FZD5: variants seen among roughly 807,000 people sequenced by gnomAD.
The protein encoded by FZD5 is frizzled class receptor 5, also known as frizzled-5.
A neutral mutation model predicts 40.8 loss-of-function variants in FZD5; 12 were observed. The observed-to-expected ratio is 0.29, with a 90% CI of 0.19 to 0.48. The LOEUF is 0.48. FZD5 is among the 20% of genes least tolerant of loss of function. The pLI is 0.99. For synonymous variants in FZD5, 380 were observed against 383.7 expected (o/e 0.99, Z 0.11); for missense variants, 622 against 832.8 (o/e 0.75, Z 3.12).
Position 207,768,650 on chromosome 2 carries a change from G to A in FZD5, c.90C>T (p.Ala30=), listed in dbSNP as rs11899639. 2.6e-3 allele frequency: 4,129 copies of A among 1,612,622 alleles called. 92 individuals carry two copies. In the African/African-American group the frequency reaches 0.049, roughly 19 times the overall value. ...GCACCGTGATTTCCTGGCACACCGG[G>A]GCCTTGGACGCGGCGGCCGCCCGGC... ...LVGRAAAASK[A]PVCQEITVPM... The change falls in exon 2 of 2, where the codon GCC becomes GCT. Residue 30 remains alanine (A), a synonymous_variant. Coordinates refer to ENST00000295417, the MANE Select transcript of FZD5 (RefSeq NM_003468.4).
chr2:207,768,058 T>G lies in FZD5; in HGVS notation c.682A>C (p.Ser228Arg). The change falls in exon 2 of 2, where the codon AGT becomes CGT. Residue 228 changes from serine (S) to arginine (R), a missense_variant. Physicochemically the swap from Ser to Arg is moderately radical, Grantham distance 110. This residue lies in a region of FZD5 where 116 missense variants were observed against 117.7 expected (regional missense o/e 0.99). Coordinates refer to ENST00000295417, the MANE Select transcript of FZD5 (RefSeq NM_003468.4). ...GTGGCGAACGTGCGCTCGTCGGCACTGAAGGACGGCTGGTAGCAGGGTACC... is the reference window on the plus strand; with the variant it reads ...GTGGCGAACGTGCGCTCGTCGGCACGGAAGGACGGCTGGTAGCAGGGTACC... ...CAVPCYQPSF[S>R]ADERTFATFW... 1 of 1,613,070 alleles carries G rather than the reference T, an allele frequency of 6.2e-7. No homozygotes were observed. The highest frequency in any genetic ancestry group is 8.5e-7 in the Non-Finnish European group (1 of 1,179,568).
chr2:207,766,972 C>G lies in FZD5; in HGVS notation c.*10G>C. ...TCAGCTCTCCGGCCGAGTCCCTCGG[C>G]GGCAGCCTCCTACACGTGCGACAGG... On this transcript the variant is annotated 3_prime_UTR_variant, in exon 2 of 2. Transcript: ENST00000295417. 6.9e-7 allele frequency: 1 copy of G among 1,446,612 alleles called. No individual in the cohort carries two copies. The highest frequency in any genetic ancestry group is 9.1e-7 in the Non-Finnish European group (1 of 1,103,278). 89.6% of individuals were successfully genotyped at this position (1,446,612 alleles called of 1,614,324 possible).
rs921013074 is a variant in FZD5, at chr2:207,764,837, A to C, written c.*2145T>G. 6.6e-6 allele frequency: 1 copy of C among 152,198 alleles called. No individual in the cohort carries two copies. The highest frequency in any genetic ancestry group is 1.5e-5 in the Non-Finnish European group (1 of 68,036). 9.4% of individuals were successfully genotyped at this position (152,198 alleles called of 1,614,324 possible). A position where few individuals can be genotyped will look rare whatever the true frequency, so the allele number is the denominator to read the frequency against. On this transcript the variant is annotated 3_prime_UTR_variant, in exon 2 of 2. Transcript: ENST00000295417. ...GGGAAGACATATGAAATGAGGGAAA[A>C]GGTCAAGGTGATCAGAAAAGGTTCT...
At position 207,766,273 on chromosome 2, in the gene FZD5, T is replaced by A. The variant is rs6724297; in HGVS notation, c.*709A>T. ...CTTATTCAAGACACAACGATGGTGC[T>A]GTTAGGAGTGAGAATTATTACAAGC... On this transcript the variant is annotated 3_prime_UTR_variant, in exon 2 of 2. Transcript: ENST00000295417. 19,182 of 152,130 alleles carry A rather than the reference T, an allele frequency of 0.13. 2,134 individuals carry two copies. The highest frequency in any genetic ancestry group is 0.4 in the East Asian group (2,087 of 5,166). The allele number at this position is 152,130 out of a possible 1,614,324, so 9.4% of individuals were successfully genotyped here.
In FZD5 at chr2:207,768,335, G is replaced by T. The variant is rs776021212; in HGVS notation, c.405C>A (p.Arg135=). 3 of 1,556,250 alleles carry T rather than the reference G, an allele frequency of 1.9e-6. No individual in the cohort carries two copies. The highest frequency in any genetic ancestry group is 2.3e-5 in the South Asian group (2 of 85,476). Residue 135 remains arginine (R), a synonymous_variant, in exon 2 of 2, where the codon CGC becomes CGA. Transcript: ENST00000295417. ...CGGCGTCGCGGCCCAGCACCGGGAG[G>T]CGGTCGCAGCTCATGCGCTCGGGCC... ...FAWPERMSCD[R]LPVLGRDAEV...
rs1234202332 is a variant in FZD5 at position 207,767,806 on chromosome 2, G to A, written c.934C>T (p.Pro312Ser). The A allele has an allele frequency of 6.2e-7, 1 of 1,611,850 alleles. No homozygotes were observed. The highest frequency in any genetic ancestry group is 1.3e-5 in the African/African-American group (1 of 75,010). The change falls in exon 2 of 2, where the codon CCT (proline) becomes TCT (serine). Residue 312 changes from proline to serine, a missense_variant. Pro to Ser is a moderately conservative substitution (Grantham distance 74, BLOSUM62 -1). Around this residue, in one of 4 missense-constraint regions of FZD5, gnomAD observed 208 missense variants for 348.9 expected, o/e 0.60. Transcript: ENST00000295417. ...AGGAAGACGATGGTGCACAGTGCAG[G>A]GCCCGTGGTCTCGTAGTGGATGTGG... ...HNHIHYETTG[P>S]ALCTIVFLLV...
Position 207,763,227 on chromosome 2 carries a change from TATAC to T in FZD5, c.*3751_*3754del, listed in dbSNP as rs1376812244. The T allele has an allele frequency of 6.6e-6, 1 of 152,464 alleles. No individual in the cohort carries two copies. Among genetic ancestry groups the T allele is most frequent in the Non-Finnish European group, 1.5e-5 (1 of 68,004 alleles). The allele number at this position is 152,464 out of a possible 1,614,324, so 9.4% of individuals were successfully genotyped here. On this transcript the variant is annotated 3_prime_UTR_variant, in exon 2 of 2. Coordinates refer to ENST00000295417, the MANE Select transcript of FZD5 (RefSeq NM_003468.4). ...TATACAACCCACAAAACATACATAC[TATAC>T]ATAGTTTGTAACAACATGAAGTCAT... is the stretch of plus-strand genomic sequence containing the variant.
At position 207,767,075 on chromosome 2, in the gene FZD5, G is replaced by C. The variant is rs1197643286; in HGVS notation, c.1665C>G (p.Asp555Glu). The C allele has an allele frequency of 6.3e-7, 1 of 1,591,730 alleles. No homozygotes were observed. Among genetic ancestry groups the C allele is most frequent in the Non-Finnish European group, 8.5e-7 (1 of 1,171,000 alleles). The change falls in exon 2 of 2, where the codon GAC becomes GAG. Residue 555 changes from aspartate (D) to glutamate (E), a missense_variant. Physicochemically the swap from Asp to Glu is conservative, Grantham distance 45. Around this residue, in one of 4 missense-constraint regions of FZD5, gnomAD observed 154 missense variants for 152.1 expected, o/e 1.01. Transcript: ENST00000295417. ...HKSGGAMAAG[D>E]YPEASAALTG... ...TGAGCGCGGCGCTCGCCTCGGGGTA[G>C]TCCCCTGCGGCCATGGCGCCCCCGC...
At position 207,767,138 on chromosome 2, in the gene FZD5, G is replaced by C. The variant is rs1000650412; in HGVS notation, c.1602C>G (p.Thr534=). 2 of 1,567,750 alleles carry C rather than the reference G, an allele frequency of 1.3e-6. No homozygotes were observed. The highest frequency in any genetic ancestry group is 2.7e-5 in the African/African-American group (2 of 73,536). Residue 534 remains threonine, a synonymous_variant, in exon 2 of 2, where the codon ACC becomes ACG. Coordinates refer to ENST00000295417, the MANE Select transcript of FZD5 (RefSeq NM_003468.4). ...GCCGCGGGCGGCAGCAGCAGCGGCT[G>C]GTGAAACGCCGCCACGACTCCACCG... is the stretch of plus-strand genomic sequence containing the variant. ...GKTVESWRRF[T]SRCCCRPRRG... is the part of the protein sequence containing the mutation.
In FZD5 at chr2:207,766,981, C is replaced by A; in HGVS notation, c.*1G>T. The stretch of plus-strand genomic sequence containing the variant: ...CGGCCGAGTCCCTCGGCGGCAGCCT[C>A]CTACACGTGCGACAGGGACACCTGC... On this transcript the variant is annotated 3_prime_UTR_variant, in exon 2 of 2. Coordinates refer to ENST00000295417, the MANE Select transcript of FZD5 (RefSeq NM_003468.4). 6.8e-7 allele frequency: 1 copy of A among 1,469,784 alleles called. No homozygotes were observed. The highest frequency in any genetic ancestry group is 1.5e-5 in the South Asian group (1 of 67,404). The allele number at this position is 1,469,784 out of a possible 1,614,324, so 91.0% of individuals were successfully genotyped here. A position where few individuals can be genotyped will look rare whatever the true frequency, so the allele number is the denominator to read the frequency against.
chr2:207,768,941 C>T lies in FZD5; in HGVS notation c.-202G>A. Reference sequence around the variant, plus strand: ...CCTCCGCTGGCAGCGCTCCGCTCCTCGCCGGATAGGGCTGGGGAGAGACGG... The same window carrying T: ...CCTCCGCTGGCAGCGCTCCGCTCCTTGCCGGATAGGGCTGGGGAGAGACGG... On this transcript the variant is annotated 5_prime_UTR_variant, in exon 2 of 2. Transcript: ENST00000295417. The T allele has an allele frequency of 1.7e-6, 1 of 597,332 alleles. No homozygotes were observed. The highest frequency in any genetic ancestry group is 2.1e-5 in the South Asian group (1 of 48,224). 37.0% of individuals were successfully genotyped at this position (597,332 alleles called of 1,614,324 possible).
In FZD5 at chr2:207,767,094, C is replaced by G; in HGVS notation, c.1646G>C (p.Gly549Ala). The G allele has an allele frequency of 6.3e-7, 1 of 1,590,122 alleles. No individual in the cohort carries two copies. Among genetic ancestry groups the G allele is most frequent in the Non-Finnish European group, 8.6e-7 (1 of 1,169,214 alleles). ...GGGGTAGTCCCCTGCGGCCATGGCG[C>G]CCCCGCTCTTGTGGCCGCGCCGCGG... Reference protein sequence around the residue: ...CRPRRGHKSGGAMAAGDYPEA... With the variant: ...CRPRRGHKSGAAMAAGDYPEA... The change falls in exon 2 of 2, where the codon GGC becomes GCC. Residue 549 changes from glycine to alanine, a missense_variant. Gly to Ala is a moderately conservative substitution (Grantham distance 60, BLOSUM62 0). This residue lies in a region of FZD5 where 154 missense variants were observed against 152.1 expected (regional missense o/e 1.01). Transcript: ENST00000295417.
In FZD5 at chr2:207,769,696, C is replaced by G. The variant is rs896357555; in HGVS notation, c.-687G>C. On this transcript the variant is annotated 5_prime_UTR_variant, in exon 1 of 2. Transcript: ENST00000295417. Reference sequence around the variant, plus strand: ...CAGGCCGGGACTGCATGGTGAGCGCCGGCCGCCGCGTCCCGCCCGCCGCTC... The same window carrying G: ...CAGGCCGGGACTGCATGGTGAGCGCGGGCCGCCGCGTCCCGCCCGCCGCTC... 1 of 152,218 alleles carries G rather than the reference C, an allele frequency of 6.6e-6. No individual in the cohort carries two copies. Among genetic ancestry groups the G allele is most frequent in the Non-Finnish European group, 1.5e-5 (1 of 68,184 alleles). The allele number at this position is 152,218 out of a possible 1,614,324, so 9.4% of individuals were successfully genotyped here. A position where few individuals can be genotyped will look rare whatever the true frequency, so the allele number is the denominator to read the frequency against.
At position 207,767,931 on chromosome 2, in the gene FZD5, G is replaced by C; in HGVS notation, c.809C>G (p.Pro270Arg). The change falls in exon 2 of 2, where the codon CCC (proline) becomes CGC (arginine). Residue 270 changes from proline to arginine, a missense_variant. By Grantham distance (103) the Pro-to-Arg change is moderately radical. Transcript: ENST00000295417. ...DMERFRYPER[P>R]IIFLSACYLC... ...GTAGCAGGCTGACAGGAAGATGATGGGGCGCTCAGGATAGCGGAAGCGTTC... is the reference window on the plus strand; with the variant it reads ...GTAGCAGGCTGACAGGAAGATGATGCGGCGCTCAGGATAGCGGAAGCGTTC... 1.3e-6 allele frequency: 2 copies of C among 1,598,430 alleles called. No individual in the cohort carries two copies. Among genetic ancestry groups the C allele is most frequent in the Non-Finnish European group, 1.7e-6 (2 of 1,172,340 alleles).
rs758276906 is a variant in FZD5, at chr2:207,768,386, C to A, written c.354G>T (p.Pro118=). 11 of 1,601,388 alleles carry A rather than the reference C, an allele frequency of 6.9e-6. No homozygotes were observed. The South Asian group carries it at 1.1e-4, about 16-fold the overall frequency. ...VCERAKAGCS[P]LMRQYGFAWP... The stretch of plus-strand genomic sequence containing the variant: ...AGGCGAAGCCGTACTGGCGCATCAG[C>A]GGCGAGCAGCCGGCCTTGGCGCGCT... The change falls in exon 2 of 2, where the codon CCG becomes CCT. Residue 118 remains proline (P), a synonymous_variant. Transcript: ENST00000295417.
Position 207,768,171 on chromosome 2 carries a change from C to T in FZD5, c.569G>A (p.Cys190Tyr), listed in dbSNP as rs2091990389. 6.2e-7 allele frequency: 1 copy of T among 1,605,876 alleles called. No individual in the cohort carries two copies. Among genetic ancestry groups the T allele is most frequent in the Admixed American group, 1.7e-5 (1 of 59,842 alleles). Residue 190 changes from cysteine to tyrosine, a missense_variant, in exon 2 of 2, where the codon TGC (cysteine) becomes TAC (tyrosine). Physicochemically the swap from Cys to Tyr is radical, Grantham distance 194. This residue lies in a region of FZD5 where 116 missense variants were observed against 117.7 expected (regional missense o/e 0.99). Transcript: ENST00000295417. ...GGGCACGAAGGGCTCGCGACACTTG[C>T]ACACGAACGGGCCCCCAGCGGGGCA... is the stretch of plus-strand genomic sequence containing the variant. ...GECPAGGPFV[C>Y]KCREPFVPIL... is the part of the protein sequence containing the mutation.
chr2:207,763,920 C>G lies in FZD5; in HGVS notation c.*3062G>C, dbSNP rs1425424473. ...CAATTACACACAACACACACATGGG[C>G]CTTGGTCACTGGCAATGGTCATGAG... is the stretch of plus-strand genomic sequence containing the variant. On this transcript the variant is annotated 3_prime_UTR_variant, in exon 2 of 2. Transcript: ENST00000295417. The G allele has an allele frequency of 4.6e-5, 7 of 152,662 alleles. No individual in the cohort carries two copies. The South Asian group carries it at 1.2e-3, about 27-fold the overall frequency. 9.5% of individuals were successfully genotyped at this position (152,662 alleles called of 1,614,324 possible). A position where few individuals can be genotyped will look rare whatever the true frequency, so the allele number is the denominator to read the frequency against.
At position 207,764,885 on chromosome 2, in the gene FZD5, A is replaced by G. The variant is rs2091971588; in HGVS notation, c.*2097T>C. ...TCTCTCATTTGAAAAACAGGAGAGG[A>G]ATTGGCATTCAGTCAAGGGATCTAT... On this transcript the variant is annotated 3_prime_UTR_variant, in exon 2 of 2. Transcript: ENST00000295417. The G allele has an allele frequency of 6.6e-6, 1 of 152,198 alleles. No homozygotes were observed. The highest frequency in any genetic ancestry group is 1.9e-4 in the East Asian group (1 of 5,202). 9.4% of individuals were successfully genotyped at this position (152,198 alleles called of 1,614,324 possible). A position where few individuals can be genotyped will look rare whatever the true frequency, so the allele number is the denominator to read the frequency against.
rs1216111540 is a variant in FZD5, at chr2:207,766,892, G to A, written c.*90C>T. ...CCGCGGGAGGGGGCAACAGCACCAT[G>A]AAGGTAAACGGAAGTGACCTTGGCA... On this transcript the variant is annotated 3_prime_UTR_variant, in exon 2 of 2. Coordinates refer to ENST00000295417, the MANE Select transcript of FZD5 (RefSeq NM_003468.4). The A allele has an allele frequency of 9.4e-7, 1 of 1,062,134 alleles. No individual in the cohort carries two copies. The highest frequency in any genetic ancestry group is 2.9e-5 in the East Asian group (1 of 35,066). The allele number at this position is 1,062,134 out of a possible 1,614,324, so 65.8% of individuals were successfully genotyped here.
Sources: allele counts gnomAD v4.1 joint callset, GRCh38; gene constraint gnomAD v4.1.1; regional missense constraint gnomAD v4.1.1; transcripts MANE v1.5; gene names NCBI Gene and HGNC (gene_info 2026-07-23, HGNC 2026-07-21).